GRIN3A: variants seen among roughly 807,000 people sequenced by gnomAD.
GRIN3A encodes the protein glutamate ionotropic receptor NMDA type subunit 3A.
A neutral mutation model predicts 92.4 loss-of-function variants in GRIN3A; 47 were observed. The observed-to-expected ratio is 0.51, with a 90% CI of 0.40 to 0.65. The LOEUF is 0.65. Among genes scored for constraint, GRIN3A ranks in the 30% least tolerant of loss-of-function variants. The pLI, the probability that GRIN3A is intolerant of heterozygous loss-of-function variation, is 0.00. For synonymous variants in GRIN3A, 527 were observed against 540.6 expected (o/e 0.97, Z 0.35); for missense variants, 1,324 against 1,393.1 (o/e 0.95, Z 0.79).
At position 101,573,193 on chromosome 9, in the gene GRIN3A, C is replaced by T. The variant is rs1827782667; in HGVS notation, c.3329G>A (p.Ser1110Asn). ...KTELEEYQRT[S>N]RTCES is the part of the protein sequence containing the mutation. ...GGTCACCTAGGACTCACAAGTCCGA[C>T]TTGTCCTTTGATACTCCTCCAGCTC... Residue 1110 changes from serine (S) to asparagine (N), a missense_variant, in exon 9 of 9, where the codon AGT becomes AAT. Physicochemically the swap from Ser to Asn is conservative, Grantham distance 46. Transcript: ENST00000361820. 3 of 1,613,946 alleles carry T rather than the reference C, an allele frequency of 1.9e-6. No homozygotes were observed. The highest frequency in any genetic ancestry group is 2.2e-5 in the South Asian group (2 of 91,092).
At chr9:101,671,232 C>T in intron 2 of GRIN3A, 125 bp from the exon 3 acceptor site, 1 of 734,404 alleles carries the variant, frequency 1.4e-6, no homozygotes, top group South Asian at 1.5e-5. Context: ...AAAGACAGTG[C>T]CTATAATTTC....
At chr9:101,646,560 C>T (rs555758807) in intron 3 of GRIN3A, among the ~76,000 whole-genome samples, 38 of 151,744 alleles carry the variant, frequency 2.5e-4, no homozygotes, top group Non-Finnish European at 4.9e-4. Flanking sequence ...TGAAGAATAT[C>T]ATTTGTATTT....
At chr9:101,587,924 A>G (rs1827969277) in intron 6 of GRIN3A, among the ~76,000 whole-genome samples, 1 of 152,032 alleles carries the variant, frequency 6.6e-6, no homozygotes, top group Non-Finnish European at 1.5e-5. Context: ...TATTTTATTT[A>G]TTTATTTATT....
intron 1 of GRIN3A, among the ~76,000 whole-genome samples, chr9:101,693,266 T>C (rs984459760): frequency 2.3e-5 from 3 of 130,514 alleles, no homozygotes; most frequent in Non-Finnish European, 3.4e-5. Flanking sequence ...TATATATATA[T>C]ATATATTGCA....
At chr9:101,604,046 G>A (rs2118831503) in intron 6 of GRIN3A, among the ~76,000 whole-genome samples, 1 of 152,274 alleles carries the variant, frequency 6.6e-6, no homozygotes, top group East Asian at 1.9e-4. Context: ...GCTCCTATGA[G>A]CTCTCTGCCT....
Position 101,737,716 on chromosome 9 carries a change from G to T in GRIN3A, c.264C>A (p.Ser88=). The change falls in exon 1 of 9, where the codon TCC becomes TCA. Residue 88 remains serine, a synonymous_variant. Transcript: ENST00000361820. The part of the protein sequence containing the change: ...RDEPEPGTRR[S]PAPSPGARWL... Reference sequence around the variant, plus strand: ...AGCGTGCGCCCGGCGAGGGCGCCGGGGACCGCCTAGTCCCTGGCTCCGGCT... The same window carrying T: ...AGCGTGCGCCCGGCGAGGGCGCCGGTGACCGCCTAGTCCCTGGCTCCGGCT... 1 of 1,529,018 alleles carries T rather than the reference G, an allele frequency of 6.5e-7. No individual in the cohort carries two copies. Among genetic ancestry groups the T allele is most frequent in the Non-Finnish European group, 8.7e-7 (1 of 1,144,288 alleles). 94.7% of individuals were successfully genotyped at this position (1,529,018 alleles called of 1,614,324 possible).
chr9:101,619,329 TC>T (rs1828516706), intron 5 of GRIN3A, among the ~76,000 whole-genome samples: 1 of 152,188 alleles, frequency 6.6e-6, no homozygotes, highest in South Asian at 2.1e-4. Context: ...AAAATGGGTT[TC>T]CCTTAGCCTC....
chr9:101,730,384 C>T (rs1830123876), intron 1 of GRIN3A, among the ~76,000 whole-genome samples: 2 of 152,274 alleles, frequency 1.3e-5, no homozygotes, highest in South Asian at 4.1e-4. Flanking sequence ...CACGTCAACA[C>T]TTTATGCTAA....
At chr9:101,683,212 T>C (rs1829485782) in intron 2 of GRIN3A, among the ~76,000 whole-genome samples, 1 of 152,182 alleles carries the variant, frequency 6.6e-6, no homozygotes, top group South Asian at 2.1e-4. Context: ...GAAAATGCCA[T>C]GTTTTTGGTG....
rs543241568 is a variant in GRIN3A, at chr9:101,569,641, C to G, written c.*3533G>C. 1 of 151,896 alleles carries G rather than the reference C, an allele frequency of 6.6e-6. No homozygotes were observed. The highest frequency in any genetic ancestry group is 2.4e-5 in the African/African-American group (1 of 41,350). 9.4% of individuals were successfully genotyped at this position (151,896 alleles called of 1,614,324 possible). A position where few individuals can be genotyped will look rare whatever the true frequency, so the allele number is the denominator to read the frequency against. On this transcript the variant is annotated 3_prime_UTR_variant, in exon 9 of 9. Coordinates refer to ENST00000361820, the MANE Select transcript of GRIN3A (RefSeq NM_133445.3). ...AACTAAAAAAAAAGAGTGAGGGAAT[C>G]CTGGATTAGATGGATAGTTTAGGTG...
intron 4 of GRIN3A, among the ~76,000 whole-genome samples, chr9:101,626,532 G>C (rs142613770): frequency 2.0e-3 from 312 of 152,236 alleles, no homozygotes; most frequent in African/African-American, 6.8e-3. Flanking sequence ...GAGAGTTAAG[G>C]CCCAGAGAGA....
intron 7 of GRIN3A, 82 bp downstream of exon 7, chr9:101,579,114 T>C (rs1588234552): frequency 1.4e-6 from 2 of 1,420,716 alleles, no homozygotes; most frequent in East Asian, 2.3e-5. Flanking sequence ...AACTTAGTAG[T>C]CTGACATAGG....
intron 2 of GRIN3A, 109 bp from the exon 3 acceptor site, chr9:101,671,216 A>T: frequency 1.2e-6 from 1 of 804,350 alleles, no homozygotes; most frequent in Non-Finnish European, 2.2e-6. Flanking sequence ...TCGAATTTTT[A>T]TTTAAAAAGA....
chr9:101,603,620 T>C (rs10119529), intron 6 of GRIN3A, among the ~76,000 whole-genome samples: 3 of 152,172 alleles, frequency 2.0e-5, no homozygotes, highest in African/African-American at 7.2e-5. Flanking sequence ...GTAGGGAAGC[T>C]ACAAGCCCGA....
chr9:101,608,648 T>C (rs1828317531), intron 6 of GRIN3A, among the ~76,000 whole-genome samples: 1 of 152,178 alleles, frequency 6.6e-6, no homozygotes, highest in South Asian at 2.1e-4. Context: ...TGAAAAGCAC[T>C]ATCGAACTTC....
intron 3 of GRIN3A, among the ~76,000 whole-genome samples, chr9:101,665,134 T>C (rs1829222391): frequency 6.6e-6 from 1 of 151,970 alleles, no homozygotes; most frequent in Non-Finnish European, 1.5e-5. Context: ...TAATTTAAAA[T>C]ATTACATGCA....
intron 1 of GRIN3A, among the ~76,000 whole-genome samples, chr9:101,704,752 G>A (rs1588290958): frequency 1.3e-5 from 2 of 152,258 alleles, no homozygotes; most frequent in Admixed American, 1.3e-4. Context: ...GGCTAGGCTA[G>A]GCAATGATGT....
intron 1 of GRIN3A, among the ~76,000 whole-genome samples, chr9:101,715,636 T>C (rs1028510546): frequency 2.0e-5 from 3 of 152,164 alleles, no homozygotes; most frequent in Admixed American, 1.3e-4. Flanking sequence ...TATGATTCAT[T>C]TGAAGTCTGT....
In GRIN3A at chr9:101,597,445, A is replaced by G. The variant is rs76275577; in HGVS notation, c.2766+15931T>C. 6.7e-3 allele frequency among the ~76,000 whole-genome samples: 1,016 copies of G among 152,314 alleles called. 9 individuals are homozygous for G. Among genetic ancestry groups the G allele is most frequent in the Non-Finnish European group, 8.8e-3 (597 of 68,016 alleles). On this transcript the variant is annotated intron_variant, in intron 6 of 8. Coordinates refer to ENST00000361820, the MANE Select transcript of GRIN3A (RefSeq NM_133445.3). ...AGACAGGTCCATTAGTGCTGACTCT[A>G]TAGGAGAGAGGAAGCATTTTGAACT...
Sources: allele counts gnomAD v4.1 joint callset (sites outside exome capture counted in the v4.1 genomes callset), GRCh38; gene constraint gnomAD v4.1.1; transcripts MANE v1.5; gene names NCBI Gene and HGNC (gene_info 2026-07-23, HGNC 2026-07-21).